Variants in DACH1 observed in about 807,000 individuals in gnomAD.
DACH1 encodes the protein dachshund family transcription factor 1, also known as dachshund homolog 1.
DACH1 carries 12 observed loss-of-function variants against 54.2 expected under a neutral mutation model. The ratio of observed to expected loss-of-function variants is 0.22; its 90% confidence interval spans 0.14 to 0.36. The LOEUF (loss-of-function observed/expected upper bound fraction) is 0.36. Ranked by LOEUF, DACH1 falls within the 10% of genes least tolerant of loss-of-function variation. The pLI, the probability that DACH1 is intolerant of heterozygous loss-of-function variation, is 1.00. For synonymous variants in DACH1, 386 were observed against 366.2 expected (o/e 1.05, Z -0.62); for missense variants, 805 against 929.8 (o/e 0.87, Z 1.75).
At chr13:71,705,925 A>G (rs918172338) in intron 1 of DACH1, among the ~76,000 whole-genome samples, 3 of 152,004 alleles carry the variant, frequency 2.0e-5, no homozygotes, top group Non-Finnish European at 4.4e-5. Context: ...TCAACAACTA[A>G]CCTTCAATTT....
chr13:71,467,353 G>A (rs548304169), intron 10 of DACH1, among the ~76,000 whole-genome samples: 1 of 110,338 alleles, frequency 9.1e-6, no homozygotes, highest in South Asian at 3.6e-4. Context: ...CTGTTGTGGG[G>A]TGGGGGGAGG....
intron 1 of DACH1, among the ~76,000 whole-genome samples, chr13:71,835,524 T>C (rs894644217): frequency 9.9e-5 from 15 of 152,156 alleles, no homozygotes; most frequent in Admixed American, 2.0e-4. Flanking sequence ...GTAAAAATTA[T>C]CTCAGACTTT....
intron 1 of DACH1, among the ~76,000 whole-genome samples, chr13:71,748,538 C>T (rs1392172180): frequency 6.6e-6 from 1 of 152,168 alleles, no homozygotes; most frequent in East Asian, 1.9e-4. Context: ...ATCCCCAGAA[C>T]ATCCTTTGCC....
intron 6 of DACH1, among the ~76,000 whole-genome samples, chr13:71,550,180 T>A (rs1464371589): frequency 6.6e-6 from 1 of 152,192 alleles, no homozygotes; most frequent in Non-Finnish European, 1.5e-5. Flanking sequence ...TATTTTCCAA[T>A]TTATATAATC....
At position 71,439,662 on chromosome 13, in the gene DACH1, T is replaced by G. The variant is rs1002279502; in HGVS notation, c.*993A>C. 2 of 152,406 alleles carry G rather than the reference T, an allele frequency of 1.3e-5. No individual in the cohort carries two copies. Among genetic ancestry groups the G allele is most frequent in the African/African-American group, 4.8e-5 (2 of 41,432 alleles). The allele number at this position is 152,406 out of a possible 1,614,324, so 9.4% of individuals were successfully genotyped here. Reference sequence around the variant, plus strand: ...CAGAGTTCTGATGTCACCAGATGCTTAAGATCTCATTCATTAATACTGTGA... The same window carrying G: ...CAGAGTTCTGATGTCACCAGATGCTGAAGATCTCATTCATTAATACTGTGA... On this transcript the variant is annotated 3_prime_UTR_variant, in exon 11 of 11. Coordinates refer to ENST00000613252, the MANE Select transcript of DACH1 (RefSeq NM_080759.6).
chr13:71,677,596 CT>C (rs1052802753), intron 2 of DACH1, among the ~76,000 whole-genome samples: 2 of 151,800 alleles, frequency 1.3e-5, no homozygotes, highest in East Asian at 1.9e-4. Flanking sequence ...TAAAAAAAGT[CT>C]TTTTTTTCCT....
At chr13:71,626,073 G>A (rs187873431) in intron 3 of DACH1, among the ~76,000 whole-genome samples, 4 of 151,970 alleles carry the variant, frequency 2.6e-5, no homozygotes, top group Non-Finnish European at 5.9e-5. Context: ...AATGTTAAGA[G>A]AAGTAAAAAT....
chr13:71,853,991 G>C (rs543763270), intron 1 of DACH1, among the ~76,000 whole-genome samples: 5 of 151,748 alleles, frequency 3.3e-5, no homozygotes, highest in African/African-American at 1.2e-4. Context: ...ATTTCCCAAG[G>C]GTACCTGAAA....
At chr13:71,794,544 T>TTCTC (rs1886967770) in intron 1 of DACH1, among the ~76,000 whole-genome samples, 1 of 152,146 alleles carries the variant, frequency 6.6e-6, no homozygotes, top group African/African-American at 2.4e-5. Flanking sequence ...GTTCAAGTGA[T>TTCTC]TCTCTTGCCT....
chr13:71,620,893 T>C (rs1346247022), intron 3 of DACH1, among the ~76,000 whole-genome samples: 1 of 151,960 alleles, frequency 6.6e-6, no homozygotes, highest in African/African-American at 2.4e-5. Context: ...TTTAAAGTTT[T>C]ACTTAGAAAA....
chr13:71,503,672 C>T (rs1436582503), intron 6 of DACH1, among the ~76,000 whole-genome samples: 2 of 152,326 alleles, frequency 1.3e-5, no homozygotes, highest in East Asian at 3.9e-4. Context: ...GGTTCATCTA[C>T]TTAAAAATAC....
At chr13:71,671,824 C>T (rs1594078314) in intron 2 of DACH1, among the ~76,000 whole-genome samples, 1 of 152,074 alleles carries the variant, frequency 6.6e-6, no homozygotes, top group Admixed American at 6.5e-5. Flanking sequence ...ATTAGTAATA[C>T]ATTCCACTTT....
chr13:71,791,678 C>T (rs1165215572), intron 1 of DACH1, among the ~76,000 whole-genome samples: 1 of 152,206 alleles, frequency 6.6e-6, no homozygotes, highest in East Asian at 1.9e-4. Flanking sequence ...GCCACCGCTC[C>T]TGGCCTGAGT....
intron 1 of DACH1, among the ~76,000 whole-genome samples, chr13:71,691,997 C>A (rs1350839047): frequency 6.9e-6 from 1 of 145,704 alleles, no homozygotes; most frequent in South Asian, 2.2e-4. Flanking sequence ...GCCATAGAGG[C>A]ATAGCCCCCC....
chr13:71,779,258 T>C (rs1294446882), intron 1 of DACH1, among the ~76,000 whole-genome samples: 4 of 67,934 alleles, frequency 5.9e-5, no homozygotes, highest in Non-Finnish European at 1.2e-4. Flanking sequence ...TATATACGTA[T>C]ATATGTGTAT....
At chr13:71,789,200 ACT>A (rs991891061) in intron 1 of DACH1, among the ~76,000 whole-genome samples, 1 of 152,094 alleles carries the variant, frequency 6.6e-6, no homozygotes, top group African/African-American at 2.4e-5. Context: ...GTATGATTTT[ACT>A]CTGTTTAGAT....
intron 6 of DACH1, among the ~76,000 whole-genome samples, chr13:71,514,150 T>C (rs748844415): frequency 5.9e-5 from 9 of 152,058 alleles, no homozygotes; most frequent in Non-Finnish European, 1.3e-4. Context: ...TCACTTGATA[T>C]ACATTGACAG....
intron 6 of DACH1, among the ~76,000 whole-genome samples, chr13:71,539,795 C>T (rs367748574): frequency 1.3e-5 from 2 of 151,872 alleles, no homozygotes; most frequent in Middle Eastern, 3.4e-3. Context: ...TATGGTTGAT[C>T]AATGTATTTG....
intron 7 of DACH1, among the ~76,000 whole-genome samples, chr13:71,482,431 T>A (rs910979887): frequency 6.6e-6 from 1 of 152,208 alleles, no homozygotes; most frequent in Non-Finnish European, 1.5e-5. Flanking sequence ...AATCAGACAA[T>A]ATCTAAGGTT....
Sources: gnomAD v4.1 joint callset for allele counts (sites outside exome capture counted in the v4.1 genomes callset) on GRCh38, gnomAD v4.1.1 for gene constraint, MANE v1.5 for transcripts, NCBI Gene and HGNC (gene_info 2026-07-23, HGNC 2026-07-21) for gene names.